Variants in PCDHGA3 observed in about 807,000 individuals in gnomAD.
The protein encoded by PCDHGA3 is protocadherin gamma-A3.
PCDHGA3 carries 40 observed loss-of-function variants against 58.5 expected under a neutral mutation model. That is an observed-to-expected ratio of 0.68 (90% CI 0.53 to 0.89). PCDHGA3 has a LOEUF of 0.89. Ranked by LOEUF, PCDHGA3 falls within the 40% of genes least tolerant of loss-of-function variation. PCDHGA3 has a pLI of 0.00. For missense variants in PCDHGA3, 1,223 were observed against 1,195.9 expected, an observed-to-expected ratio of 1.02 and a Z score of -0.33; for synonymous variants, 530 against 525.7, an observed-to-expected ratio of 1.01 and a Z score of -0.11.
intron 1 of PCDHGA3, chr5:141,393,008 T>C: frequency 1.2e-6 from 2 of 1,613,876 alleles, no homozygotes. Flanking sequence ...ACGGAGTCCG[T>C]ATCGTCTCCA....
At chr5:141,360,689 C>CT in intron 1 of PCDHGA3, 1 of 1,613,992 alleles carries the variant, frequency 6.2e-7, no homozygotes, top group Non-Finnish European at 8.5e-7. Context: ...GAGAAACAGA[C>CT]TCCAGATGGT....
intron 1 of PCDHGA3, chr5:141,350,889 C>T: frequency 1.2e-6 from 2 of 1,614,074 alleles, no homozygotes; most frequent in Non-Finnish European, 1.7e-6. Context: ...TTAATCCTGA[C>T]TGCCATGGAT....
chr5:141,490,775 A>G lies in PCDHGA3; in HGVS notation c.2425-4032A>G. 6 of 1,614,110 alleles carry G rather than the reference A, an allele frequency of 3.7e-6. No homozygotes were observed. Among genetic ancestry groups the G allele is most frequent in the Non-Finnish European group, 5.1e-6 (6 of 1,179,964 alleles). On this transcript the variant is annotated intron_variant, in intron 1 of 3. Transcript: ENST00000253812. The surrounding 1 kb of genome is among the most constrained non-coding windows in gnomAD (Gnocchi z 5.4). ...TCCTCCTTTGTGTATGTCAACCCAG[A>G]GGATGGACGGATCTTTGCCCAGCGT...
chr5:141,369,254 T>A (rs1743165923), intron 1 of PCDHGA3, among the ~76,000 whole-genome samples: 1 of 152,160 alleles, frequency 6.6e-6, no homozygotes, highest in Admixed American at 6.5e-5. Flanking sequence ...TTAAATAATA[T>A]AATTATAAGG....
chr5:141,362,163 C>A, intron 1 of PCDHGA3: 1 of 1,614,056 alleles, frequency 6.2e-7, no homozygotes, highest in East Asian at 2.2e-5. Flanking sequence ...CAGACCTCAG[C>A]GACCGCCGGG....
intron 1 of PCDHGA3, among the ~76,000 whole-genome samples, chr5:141,449,588 C>CA (rs768743917): frequency 0.036 from 2,064 of 56,756 alleles, 20 homozygotes; most frequent in Middle Eastern, 0.06. Context: ...GACTCTGTCT[C>CA]AAAAAAAAAA....
intron 1 of PCDHGA3, chr5:141,417,718 G>A: frequency 7.7e-7 from 1 of 1,304,720 alleles, no homozygotes; most frequent in Non-Finnish European, 1.0e-6. Flanking sequence ...GCTCCCGGCT[G>A]CGCAGACCTT....
intron 1 of PCDHGA3, chr5:141,395,341 G>T: frequency 7.1e-7 from 1 of 1,409,696 alleles, no homozygotes; most frequent in Non-Finnish European, 9.4e-7. Flanking sequence ...AATTTTTAAG[G>T]TGTATCACAG....
intron 1 of PCDHGA3, among the ~76,000 whole-genome samples, chr5:141,420,701 T>C (rs371823252): frequency 7.2e-5 from 11 of 152,226 alleles, no homozygotes; most frequent in Admixed American, 5.9e-4. Flanking sequence ...TATTTCCACT[T>C]CCAGAAATGT....
chr5:141,351,649 T>C (rs1561500860), intron 1 of PCDHGA3: 1 of 1,614,032 alleles, frequency 6.2e-7, no homozygotes, highest in African/African-American at 1.3e-5. Context: ...ACAACCCACC[T>C]GGCGCCTCCA....
intron 1 of PCDHGA3, chr5:141,366,227 C>G (rs1217431580): frequency 6.2e-7 from 1 of 1,613,816 alleles, no homozygotes; most frequent in South Asian, 1.1e-5. Context: ...GCGAGCCCTG[C>G]TGGACAGAGA....
chr5:141,446,634 G>A (rs927873152), intron 1 of PCDHGA3, among the ~76,000 whole-genome samples: 6 of 151,928 alleles, frequency 3.9e-5, no homozygotes, highest in Admixed American at 2.6e-4. Context: ...GCACCACCAC[G>A]CCTGGCTAAT....
At chr5:141,360,418 A>G (rs1372151234) in intron 1 of PCDHGA3, 2 of 1,613,992 alleles carry the variant, frequency 1.2e-6, no homozygotes, top group Non-Finnish European at 1.7e-6. Context: ...CCGAGAACAG[A>G]TATGCGGGAA....
intron 1 of PCDHGA3, chr5:141,385,170 C>A (rs1561606866): frequency 4.3e-6 from 7 of 1,614,212 alleles, no homozygotes; most frequent in Non-Finnish European, 5.9e-6. Flanking sequence ...CCCATGAGGT[C>A]TCCCTCACCG....
At chr5:141,384,745 C>G (rs1304134885) in intron 1 of PCDHGA3, 1 of 1,613,956 alleles carries the variant, frequency 6.2e-7, no homozygotes, top group African/African-American at 1.3e-5. Context: ...CGAGCCAGGA[C>G]TCTTTGCGGT....
rs1164046040 is a variant in PCDHGA3, at chr5:141,476,557, C to A, written c.2425-18250C>A. ...AAATGAAATTGGAGATTAGCGAGGC[C>A]GTGGCTCCGGGGACGCGCTTTCCGC... is the stretch of plus-strand genomic sequence containing the variant. On this transcript the variant is annotated intron_variant, in intron 1 of 3. Transcript: ENST00000253812. This position sits in a 1 kb window ranked among gnomAD's most constrained non-coding sequence, Gnocchi z 7.6. The A allele has an allele frequency of 2.5e-6, 4 of 1,614,222 alleles. No individual in the cohort carries two copies. Among genetic ancestry groups the A allele is most frequent in the Admixed American group, 3.3e-5 (2 of 60,032 alleles).
chr5:141,360,347 A>G, intron 1 of PCDHGA3: 1 of 1,613,970 alleles, frequency 6.2e-7, no homozygotes, highest in Non-Finnish European at 8.5e-7. Flanking sequence ...GTTAGCGCGG[A>G]GAAGGAATAT....
chr5:141,418,572 AC>A lies in PCDHGA3; in HGVS notation c.2424+72121del, dbSNP rs752316020. 8.1e-6 allele frequency: 13 copies of A among 1,613,794 alleles called. 1 individual carries two copies. The Admixed American group carries it at 1.8e-4, about 23-fold the overall frequency. ...ATCCTGGTAATAGATGCCAATGACA[AC>A]CCCCCAGTGTTCAGCCAGGACGTGT... On this transcript the variant is annotated intron_variant, in intron 1 of 3. Transcript: ENST00000253812.
chr5:141,383,259 C>G (rs768704302), intron 1 of PCDHGA3: 1 of 1,613,810 alleles, frequency 6.2e-7, no homozygotes, highest in South Asian at 1.1e-5. Context: ...ACCCTATAGA[C>G]GTGGAAATAA....
Sources: gnomAD v4.1 joint callset for allele counts (sites outside exome capture counted in the v4.1 genomes callset) on GRCh38, gnomAD v4.1.1 for gene constraint, Gnocchi (gnomAD v3.1) non-coding constraint, MANE v1.5 for transcripts, NCBI Gene and HGNC (gene_info 2026-07-23, HGNC 2026-07-21) for gene names.